Variants in CNST observed in about 807,000 individuals in gnomAD.
CNST encodes consortin, connexin sorting protein.
In CNST, 39 loss-of-function variants were observed where a neutral mutation model predicts 72.4. That is an observed-to-expected ratio of 0.54 (90% CI 0.42 to 0.70). The LOEUF is 0.70. CNST is among the 30% of genes least tolerant of loss of function. The probability of loss-of-function intolerance (pLI) is 0.00; values close to 1 mark genes in which losing one functional copy is unlikely to be tolerated. For missense variants in CNST, 871 were observed against 868.5 expected (o/e 1.00, Z -0.04); for synonymous variants, 332 against 320.1 (o/e 1.04, Z -0.40).
intron 2 of CNST, among the ~76,000 whole-genome samples, chr1:246,619,126 G>T (rs1663882263): frequency 6.6e-6 from 1 of 150,950 alleles, no homozygotes; most frequent in Non-Finnish European, 1.5e-5. Context: ...TAAATGTCTT[G>T]GGCATAGTAG....
chr1:246,583,320 T>C (rs1435493303), intron 1 of CNST, among the ~76,000 whole-genome samples: 1 of 152,236 alleles, frequency 6.6e-6, no homozygotes, highest in Non-Finnish European at 1.5e-5. Flanking sequence ...TCTCAAATAT[T>C]CACGCATTAC....
intron 10 of CNST, among the ~76,000 whole-genome samples, chr1:246,664,566 A>G (rs1572264168): frequency 1.3e-5 from 2 of 152,076 alleles, no homozygotes; most frequent in East Asian, 3.9e-4. Context: ...AGCTGAGACT[A>G]TAGGCACCTG....
intron 8 of CNST, 93 bp downstream of exon 8, chr1:246,642,130 CTGGTTT>C: frequency 4.7e-6 from 1 of 214,398 alleles, no homozygotes; most frequent in Non-Finnish European, 7.5e-6. Flanking sequence ...TGCAAAGGAT[CTGGTTT>C]TTTTTTTTTT....
chr1:246,643,062 A>T (rs968777686), intron 8 of CNST, among the ~76,000 whole-genome samples: 9 of 150,768 alleles, frequency 6.0e-5, no homozygotes, highest in African/African-American at 2.2e-4. Flanking sequence ...GTTAATTTTT[A>T]AAAATTTTTG....
chr1:246,592,637 C>A (rs1245147436), intron 2 of CNST, among the ~76,000 whole-genome samples: 3 of 152,196 alleles, frequency 2.0e-5, no homozygotes, highest in South Asian at 2.1e-4. Context: ...TTCTGTCATT[C>A]CTGTGGCTTT....
At chr1:246,615,351 A>G (rs1456692509) in intron 2 of CNST, among the ~76,000 whole-genome samples, 1 of 151,604 alleles carries the variant, frequency 6.6e-6, no homozygotes, top group Admixed American at 6.6e-5. Flanking sequence ...AATTTTTTGT[A>G]TTTTTAGTAG....
intron 2 of CNST, among the ~76,000 whole-genome samples, chr1:246,601,324 A>AAT (rs1662276855): frequency 6.6e-6 from 1 of 152,032 alleles, no homozygotes; most frequent in South Asian, 2.1e-4. Context: ...AAAACAAAAC[A>AAT]ATACAAAACA....
chr1:246,613,487 T>C (rs1208596324), intron 2 of CNST, among the ~76,000 whole-genome samples: 1 of 151,818 alleles, frequency 6.6e-6, no homozygotes, highest in Non-Finnish European at 1.5e-5. Context: ...ATTTTTAATT[T>C]GATCTAGTTT....
intron 8 of CNST, 80 bp from the exon 9 acceptor site, chr1:246,647,059 A>C: frequency 8.0e-7 from 1 of 1,248,404 alleles, no homozygotes; most frequent in Admixed American, 2.3e-5. Flanking sequence ...TGTATTACAC[A>C]TATTCATATG....
At chr1:246,617,960 A>G (rs914422694) in intron 2 of CNST, among the ~76,000 whole-genome samples, 1 of 152,232 alleles carries the variant, frequency 6.6e-6, no homozygotes, top group African/African-American at 2.4e-5. Flanking sequence ...GGTAGGGAGT[A>G]TTGCAGCACG....
rs150720392 is a variant in CNST, at chr1:246,574,972, TTTTATTTATTTATTTATTTA to T, written c.-52+8329_-52+8348del. ...AATCTGAACAAATCTTCCTCAAGTA[TTTTATTTATTTATTTATTTA>T]TTTATTTATTTATTTATTTTTGAGA... is the stretch of plus-strand genomic sequence containing the variant. On this transcript the variant is annotated intron_variant, in intron 1 of 10. Transcript: ENST00000366513. Among the ~76,000 whole-genome samples, 4 of 143,654 alleles carry T rather than the reference TTTTATTTATTTATTTATTTA, an allele frequency of 2.8e-5. No homozygotes were observed. In the South Asian group the frequency reaches 9.0e-4, roughly 32 times the overall value. 94.2% of individuals were successfully genotyped at this position (143,654 alleles called of 152,430 possible). A position where few individuals can be genotyped will look rare whatever the true frequency, so the allele number is the denominator to read the frequency against.
intron 1 of CNST, among the ~76,000 whole-genome samples, chr1:246,574,166 G>T (rs192445995): frequency 2.0e-5 from 3 of 151,882 alleles, no homozygotes; most frequent in African/African-American, 7.3e-5. Flanking sequence ...CTCAGCCTCC[G>T]GAGTGGCTGG....
Position 246,566,580 on chromosome 1 carries a change from G to A in CNST, c.-135G>A. 2 of 404,128 alleles carry A rather than the reference G, an allele frequency of 4.9e-6. No individual in the cohort carries two copies. The highest frequency in any genetic ancestry group is 8.8e-6 in the Non-Finnish European group (2 of 228,418). The allele number at this position is 404,128 out of a possible 1,614,324, so 25.0% of individuals were successfully genotyped here. Reference sequence around the variant, plus strand: ...GGAGACCCGAGCAAGCTCCGTGACAGCACGTCGGCCGCCATGTCGCCGAGT... The same window carrying A: ...GGAGACCCGAGCAAGCTCCGTGACAACACGTCGGCCGCCATGTCGCCGAGT... On this transcript the variant is annotated 5_prime_UTR_variant, in exon 1 of 11. Coordinates refer to ENST00000366513, the MANE Select transcript of CNST (RefSeq NM_152609.3).
At position 246,664,706 on chromosome 1, in the gene CNST, G is replaced by C. The variant is rs563770039; in HGVS notation, c.1973-994G>C. Among the ~76,000 whole-genome samples, 42 of 152,160 alleles carry C rather than the reference G, an allele frequency of 2.8e-4. No individual in the cohort carries two copies. In the South Asian group the frequency reaches 8.1e-3, roughly 29 times the overall value. ...CTCCCAAAGTGCTGGGATTACAGGC[G>C]TGAGCCACCACACCCAGCCTTAACA... On this transcript the variant is annotated intron_variant, in intron 10 of 10. Coordinates refer to ENST00000366513, the MANE Select transcript of CNST (RefSeq NM_152609.3).
chr1:246,599,825 A>T lies in CNST; in HGVS notation c.379+7884A>T, dbSNP rs910153004. On this transcript the variant is annotated intron_variant, in intron 2 of 10. Coordinates refer to ENST00000366513, the MANE Select transcript of CNST (RefSeq NM_152609.3). ...TTCACTTTATAAAAGTTTTTCTGAC[A>T]TTATTTTGTAGACCCGTACAGGATT... Among the ~76,000 whole-genome samples, 17 of 152,344 alleles carry T rather than the reference A, an allele frequency of 1.1e-4. 1 individual carries two copies. Among genetic ancestry groups the T allele is most frequent in the East Asian group, 9.6e-4 (5 of 5,192 alleles).
chr1:246,604,387 A>G (rs905946972), intron 2 of CNST, among the ~76,000 whole-genome samples: 1 of 152,264 alleles, frequency 6.6e-6, no homozygotes, highest in Admixed American at 6.5e-5. Context: ...TCTGTAAACT[A>G]TAATAAAATG....
At chr1:246,587,001 T>C (rs986589330) in intron 1 of CNST, among the ~76,000 whole-genome samples, 2 of 152,230 alleles carry the variant, frequency 1.3e-5, no homozygotes, top group African/African-American at 2.4e-5. Context: ...GACTGAGGCC[T>C]ATGCGTTTAA....
chr1:246,647,783 A>G lies in CNST; in HGVS notation c.1582A>G (p.Met528Val), dbSNP rs895694379. 1 of 1,614,216 alleles carries G rather than the reference A, an allele frequency of 6.2e-7. No homozygotes were observed. Among genetic ancestry groups the G allele is most frequent in the Non-Finnish European group, 8.5e-7 (1 of 1,180,044 alleles). The part of the protein sequence containing the change: ...DLGILLPEVC[M>V]APEEKGDKDD... ...AGGCATACTGCTTCCAGAGGTGTGT[A>G]TGGCCCCAGAGGAAAAGGGAGATAA... The change falls in exon 9 of 11, where the codon ATG becomes GTG. Residue 528 changes from methionine to valine, a missense_variant. Transcript: ENST00000366513.
chr1:246,636,261 G>A (rs902414822), intron 6 of CNST, among the ~76,000 whole-genome samples: 21 of 152,202 alleles, frequency 1.4e-4, no homozygotes, highest in African/African-American at 4.6e-4. Flanking sequence ...CGGCACGATG[G>A]GTTTTATCAG....
Sources: gnomAD v4.1 joint callset for allele counts (sites outside exome capture counted in the v4.1 genomes callset) on GRCh38, gnomAD v4.1.1 for gene constraint, MANE v1.5 for transcripts, NCBI Gene and HGNC (gene_info 2026-07-23, HGNC 2026-07-21) for gene names.